CCDC73: variants seen among roughly 807,000 people sequenced by gnomAD.
The protein encoded by CCDC73 is coiled-coil domain-containing protein 73.
Under a neutral mutation model 116.5 loss-of-function variants are expected in CCDC73, and 95 were observed. The ratio of observed to expected loss-of-function variants is 0.82; its 90% CI spans 0.69 to 0.97. The LOEUF is 0.97. Ranked by LOEUF, CCDC73 falls within the 50% of genes least tolerant of loss-of-function variation. The pLI, the probability that CCDC73 is intolerant of heterozygous loss-of-function variation, is 0.00. For missense variants in CCDC73, 1,066 were observed against 1,206.8 expected (o/e 0.88, Z 1.73); for synonymous variants, 398 against 401.3 (o/e 0.99, Z 0.10).
intron 6 of CCDC73, among the ~76,000 whole-genome samples, chr11:32,684,094 C>G (rs761937006): frequency 2.6e-5 from 4 of 152,174 alleles, no homozygotes; most frequent in Admixed American, 6.5e-5. Flanking sequence ...GTTACCCAAG[C>G]TGGAATACAC....
At chr11:32,704,500 G>C (rs7942796) in intron 3 of CCDC73, among the ~76,000 whole-genome samples, 8 of 152,034 alleles carry the variant, frequency 5.3e-5, no homozygotes, top group Admixed American at 5.2e-4. Flanking sequence ...ACAGGAGGGA[G>C]GCCAGAGGGC....
At position 32,613,552 on chromosome 11, in the gene CCDC73, G is replaced by C; in HGVS notation, c.2766C>G (p.Ser922Arg). 1 of 1,614,126 alleles carries C rather than the reference G, an allele frequency of 6.2e-7. No individual in the cohort carries two copies. Reference protein sequence around the residue: ...KVNHIESQTASSSTPCISLLL... With the variant: ...KVNHIESQTARSSTPCISLLL... Reference sequence around the variant, plus strand: ...ACAAAGAAATGCAAGGGGTCGAACTGCTCGCTGTTTGACTTTCAATGTGAT... The same window carrying C: ...ACAAAGAAATGCAAGGGGTCGAACTCCTCGCTGTTTGACTTTCAATGTGAT... Residue 922 changes from serine (S) to arginine (R), a missense_variant, in exon 16 of 18, where the codon AGC (serine) becomes AGG (arginine). Transcript: ENST00000335185.
At chr11:32,809,177 A>T in the CCDC73 span, among the ~76,000 whole-genome samples, 1 of 152,264 alleles carries the variant, frequency 6.6e-6, no homozygotes, top group Non-Finnish European at 1.5e-5. Context: ...ATTTAGGGAT[A>T]AAATATGATG....
Position 32,698,454 on chromosome 11 carries a change from C to T in CCDC73, c.390+797G>A, listed in dbSNP as rs531852481. 3.9e-5 allele frequency among the ~76,000 whole-genome samples: 6 copies of T among 152,272 alleles called. No homozygotes were observed. In the South Asian group the frequency reaches 1.2e-3, roughly 32 times the overall value. On this transcript the variant is annotated intron_variant, in intron 6 of 17. Transcript: ENST00000335185. ...GCAAGAAAATTACATAGGTGAAGTT[C>T]GGTCCTCCTTATTGCATAATAACAG...
chr11:32,779,356 C>T (rs1734283318), intron 1 of CCDC73, among the ~76,000 whole-genome samples: 1 of 149,938 alleles, frequency 6.7e-6, no homozygotes, highest in Non-Finnish European at 1.5e-5. Flanking sequence ...ATAGAAAACA[C>T]AACTTAAGCT....
chr11:32,638,410 A>T (rs1354790572), intron 13 of CCDC73, among the ~76,000 whole-genome samples: 1 of 152,202 alleles, frequency 6.6e-6, no homozygotes, highest in Non-Finnish European at 1.5e-5. Context: ...TCCCATTTTT[A>T]AATCAGAGCA....
intron 6 of CCDC73, among the ~76,000 whole-genome samples, chr11:32,693,205 A>T (rs1285252402): frequency 6.6e-6 from 1 of 152,186 alleles, no homozygotes; most frequent in Non-Finnish European, 1.5e-5. Context: ...TTATGAAAGG[A>T]AAAAGGGAGA....
intron 6 of CCDC73, among the ~76,000 whole-genome samples, chr11:32,685,775 GCAGTGGTGCGATCT>G (rs1856193241): frequency 7.2e-6 from 1 of 138,874 alleles, no homozygotes; most frequent in East Asian, 2.2e-4. Context: ...AGGTTGGAGT[GCAGTGGTGCGATCT>G]CAGCTCACTG....
At chr11:32,826,652 AAAAAAAAC>A in the CCDC73 span, among the ~76,000 whole-genome samples, 3 of 132,200 alleles carry the variant, frequency 2.3e-5, no homozygotes, top group Non-Finnish European at 3.2e-5. Context: ...AACTCAAAAA[AAAAAAAAC>A]AAAAAAAAAA....
chr11:32,800,098 T>G, the CCDC73 span, among the ~76,000 whole-genome samples: 1 of 152,174 alleles, frequency 6.6e-6, no homozygotes, highest in Non-Finnish European at 1.5e-5. Flanking sequence ...TTTCTAAAAT[T>G]TGCTGTATGT....
intron 3 of CCDC73, among the ~76,000 whole-genome samples, chr11:32,705,595 C>A (rs1043541978): frequency 6.6e-6 from 1 of 152,164 alleles, no homozygotes; most frequent in Non-Finnish European, 1.5e-5. Flanking sequence ...GGGCCAGTAT[C>A]GCAAGCCGAG....
chr11:32,744,669 T>C (rs1850218744), intron 2 of CCDC73, among the ~76,000 whole-genome samples: 1 of 152,244 alleles, frequency 6.6e-6, no homozygotes, highest in Admixed American at 6.5e-5. Flanking sequence ...TACCCATTTC[T>C]TCTAGATTTT....
intron 9 of CCDC73, among the ~76,000 whole-genome samples, chr11:32,658,531 G>T (rs1855894347): frequency 6.6e-6 from 1 of 152,208 alleles, no homozygotes; most frequent in African/African-American, 2.4e-5. Flanking sequence ...GCCAATTAAA[G>T]AAGCCTGGGA....
intron 12 of CCDC73, among the ~76,000 whole-genome samples, chr11:32,647,108 T>A (rs1015391224): frequency 6.6e-6 from 1 of 152,210 alleles, no homozygotes; most frequent in Non-Finnish European, 1.5e-5. Context: ...TGTTCTTGCA[T>A]TGTTAAAGAA....
chr11:32,741,123 G>A (rs1331461316), intron 2 of CCDC73, among the ~76,000 whole-genome samples: 2 of 152,104 alleles, frequency 1.3e-5, no homozygotes, highest in African/African-American at 2.4e-5. Flanking sequence ...TCCATGTGCT[G>A]AGGAGAATAA....
chr11:32,718,219 G>A (rs996376835), intron 2 of CCDC73, 72 bp from the exon 3 acceptor site: 7 of 996,712 alleles, frequency 7.0e-6, no homozygotes, highest in Non-Finnish European at 1.1e-5. Flanking sequence ...GCTCTTTCTG[G>A]AGAGATATAG....
intron 12 of CCDC73, among the ~76,000 whole-genome samples, chr11:32,652,013 C>T (rs1371406389): frequency 6.6e-6 from 1 of 152,196 alleles, no homozygotes; most frequent in Non-Finnish European, 1.5e-5. Flanking sequence ...CAAAGAACCA[C>T]TAAGGTTTTT....
At chr11:32,806,630 C>A in the CCDC73 span, among the ~76,000 whole-genome samples, 175 of 125,358 alleles carry the variant, frequency 1.4e-3, no homozygotes, top group South Asian at 2.3e-3. Context: ...AGACCTGTCT[C>A]AAAAAAAAAA....
At chr11:32,685,741 G>C (rs1369120652) in intron 6 of CCDC73, among the ~76,000 whole-genome samples, 1 of 61,408 alleles carries the variant, frequency 1.6e-5, no homozygotes, top group Non-Finnish European at 3.3e-5. Context: ...TTTTTTTTTT[G>C]AGATGGAGTC....
Sources: gnomAD v4.1 joint callset for allele counts (sites outside exome capture counted in the v4.1 genomes callset) on GRCh38, gnomAD v4.1.1 for gene constraint, MANE v1.5 for transcripts, NCBI Gene and HGNC (gene_info 2026-07-23, HGNC 2026-07-21) for gene names.